The following OR51B5 variants were observed in gnomAD, a reference collection of about 807,000 sequenced individuals.
OR51B5 encodes olfactory receptor 51B5.
For synonymous variants in OR51B5, 186 were observed against 144.8 expected (o/e 1.28, Z -2.04); for missense variants, 456 against 374.6 (o/e 1.22, Z -1.79).
chr11:5,441,412 T>C, intron 1 of OR51B5: 3 of 1,613,948 alleles, frequency 1.9e-6, no homozygotes, highest in Non-Finnish European at 1.7e-6. Context: ...ATGTAGAGGA[T>C]GCAGAAAATC....
intron 1 of OR51B5, among the ~76,000 whole-genome samples, chr11:5,487,694 G>T (rs1851517771): frequency 6.6e-6 from 1 of 152,160 alleles, no homozygotes; most frequent in Non-Finnish European, 1.5e-5. Context: ...TTTATGGGTG[G>T]TAAATCCAGA....
intron 1 of OR51B5, chr11:5,422,383 GTAT>G: frequency 6.2e-7 from 1 of 1,614,178 alleles, no homozygotes; most frequent in Non-Finnish European, 8.5e-7. Flanking sequence ...ACCAGCGCAT[GTAT>G]CTGTTTCTCT....
chr11:5,478,986 G>A (rs530898920), intron 1 of OR51B5, among the ~76,000 whole-genome samples: 92 of 152,036 alleles, frequency 6.1e-4, no homozygotes, highest in African/African-American at 1.9e-3. Context: ...GCAGGTCAAC[G>A]TTCAGATTCA....
intron 1 of OR51B5, chr11:5,455,579 AAGAGAAAG>A (rs1409602166): frequency 1.0e-5 from 1 of 97,642 alleles, no homozygotes; most frequent in Non-Finnish European, 2.1e-5. Context: ...GAGAGAGAGA[AAGAGAAAG>A]AGAGAAAGAG....
chr11:5,454,280 T>G (rs1203709930), intron 1 of OR51B5: 1 of 1,614,238 alleles, frequency 6.2e-7, no homozygotes, highest in African/African-American at 1.3e-5. Context: ...TGCACCGCTT[T>G]GGGAAGCATG....
At chr11:5,413,149 C>T (rs991784229) in intron 1 of OR51B5, among the ~76,000 whole-genome samples, 15 of 152,206 alleles carry the variant, frequency 9.9e-5, no homozygotes, top group African/African-American at 3.6e-4. Flanking sequence ...GTTCTGCAGA[C>T]ACTGCTGCTG....
At chr11:5,418,793 G>A (rs749344503) in intron 1 of OR51B5, among the ~76,000 whole-genome samples, 14 of 150,384 alleles carry the variant, frequency 9.3e-5, no homozygotes, top group Non-Finnish European at 1.5e-4. Flanking sequence ...CGGGTTGATA[G>A]ATGCAGCAAA....
At chr11:5,425,706 T>C (rs184255130) in intron 1 of OR51B5, among the ~76,000 whole-genome samples, 1 of 152,338 alleles carries the variant, frequency 6.6e-6, no homozygotes, top group Admixed American at 6.5e-5. Flanking sequence ...TATTATAAAA[T>C]ATAGAGTATG....
At chr11:5,399,271 G>C (rs1849930332) in intron 1 of OR51B5, among the ~76,000 whole-genome samples, 1 of 152,120 alleles carries the variant, frequency 6.6e-6, no homozygotes, top group Admixed American at 6.5e-5. Flanking sequence ...GAGTATCAGT[G>C]AGCCAATAAC....
chr11:5,428,557 AT>A (rs1850484605), intron 1 of OR51B5, among the ~76,000 whole-genome samples: 1 of 123,086 alleles, frequency 8.1e-6, no homozygotes, highest in African/African-American at 3.8e-5. Context: ...TTATATATAG[AT>A]ATGTTTTAGC....
At chr11:5,352,610 C>T (rs1849116586) in intron 1 of OR51B5, among the ~76,000 whole-genome samples, 1 of 152,062 alleles carries the variant, frequency 6.6e-6, no homozygotes, top group Non-Finnish European at 1.5e-5. Flanking sequence ...CATTATTTTA[C>T]CCTGCCTGTC....
At chr11:5,465,741 A>C (rs954664550) in intron 1 of OR51B5, among the ~76,000 whole-genome samples, 2 of 143,602 alleles carry the variant, frequency 1.4e-5, no homozygotes, top group African/African-American at 5.2e-5. Flanking sequence ...GTGCTGGGAA[A>C]ACTGGCTAGC....
At chr11:5,377,634 T>C (rs1849547736) in intron 1 of OR51B5, among the ~76,000 whole-genome samples, 1 of 152,054 alleles carries the variant, frequency 6.6e-6, no homozygotes, top group Admixed American at 6.6e-5. Context: ...AAAACCAATG[T>C]GCAAAAATCA....
intron 1 of OR51B5, among the ~76,000 whole-genome samples, chr11:5,397,273 C>T (rs1263967624): frequency 6.6e-6 from 1 of 152,244 alleles, no homozygotes; most frequent in Middle Eastern, 3.4e-3. Context: ...AGGCAACCTA[C>T]ACAATGGGAG....
chr11:5,343,312 C>T lies in OR51B5; in HGVS notation c.213G>A (p.Leu71=), dbSNP rs776883882. The T allele has an allele frequency of 2.7e-6, 4 of 1,455,838 alleles. No individual in the cohort carries two copies. In the South Asian group the frequency reaches 4.5e-5, roughly 16 times the overall value. The allele number at this position is 1,455,838 out of a possible 1,614,324, so 90.2% of individuals were successfully genotyped here. ...GCACCGTGGGCATTGTGGTCAGGGC[C>T]AGCCCCAGGTCTGTGGCAGCCAGCA... Residue 71 remains leucine (L), a synonymous_variant, in exon 1 of 1, where the codon CTG becomes CTA. Coordinates refer to ENST00000300773, the Ensembl canonical transcript of OR51B5.
In OR51B5 at chr11:5,370,743, A is replaced by T. The variant is rs936871150; in HGVS notation, n.85-23833T>A. 5.3e-4 allele frequency among the ~76,000 whole-genome samples: 80 copies of T among 152,202 alleles called. 1 individual carries two copies. Among genetic ancestry groups the T allele is most frequent in the Non-Finnish European group, 1.5e-4 (10 of 68,020 alleles). The stretch of plus-strand genomic sequence containing the variant: ...CTTGTATTTTAACGGAAAGGAAATA[A>T]TAAAAAAGTGACAAAAATAATTACA... On this transcript the variant is annotated intron_variant and non_coding_transcript_variant, in intron 1 of 4. Transcript: ENST00000415970.
chr11:5,390,299 C>G (rs768566489), intron 1 of OR51B5: 1 of 1,613,544 alleles, frequency 6.2e-7, no homozygotes, highest in Admixed American at 1.7e-5. Context: ...CATGCTTAAC[C>G]CAATCATATA....
intron 1 of OR51B5, among the ~76,000 whole-genome samples, chr11:5,373,962 G>T (rs1219175669): frequency 6.6e-6 from 1 of 152,218 alleles, no homozygotes; most frequent in African/African-American, 2.4e-5. Context: ...CTGTCTGACA[G>T]CTTTGAGGAG....
chr11:5,420,043 T>C (rs1850307934), intron 1 of OR51B5, among the ~76,000 whole-genome samples: 1 of 151,654 alleles, frequency 6.6e-6, no homozygotes, highest in South Asian at 2.1e-4. Flanking sequence ...TTATTTTAGT[T>C]ATGATAGGTG....
Sources: allele counts gnomAD v4.1 joint callset (sites outside exome capture counted in the v4.1 genomes callset), GRCh38; gene constraint gnomAD v4.1.1; transcripts MANE v1.5; gene names NCBI Gene and HGNC (gene_info 2026-07-23, HGNC 2026-07-21).